Variants in ASTN2 observed in about 807,000 individuals in gnomAD.
The protein encoded by ASTN2 is astrotactin 2.
ASTN2 carries 54 observed loss-of-function variants against 139.8 expected under a neutral mutation model. That is an observed-to-expected ratio of 0.39 (90% CI 0.31 to 0.48). ASTN2 has a LOEUF of 0.48. Ranked by LOEUF, ASTN2 falls within the 20% of genes least tolerant of loss-of-function variation. ASTN2 has a pLI of 0.95. For missense variants in ASTN2, 1,565 were observed against 1,725.1 expected, an observed-to-expected ratio of 0.91 and a Z score of 1.64; for synonymous variants, 756 against 719.5, an observed-to-expected ratio of 1.05 and a Z score of -0.81.
intron 11 of ASTN2, among the ~76,000 whole-genome samples, chr9:116,857,955 G>C (rs1458472564): frequency 6.6e-6 from 1 of 152,214 alleles, no homozygotes; most frequent in South Asian, 2.1e-4. Context: ...GCTGGATCTT[G>C]GGATGGTCCC....
intron 7 of ASTN2, among the ~76,000 whole-genome samples, chr9:116,994,211 C>T (rs1836946808): frequency 6.6e-6 from 1 of 151,984 alleles, no homozygotes; most frequent in Non-Finnish European, 1.5e-5. Context: ...TGTGACTGCT[C>T]AATTCTGATG....
intron 1 of ASTN2, among the ~76,000 whole-genome samples, chr9:117,375,864 T>C (rs1830108847): frequency 6.6e-6 from 1 of 152,136 alleles, no homozygotes; most frequent in Non-Finnish European, 1.5e-5. Context: ...ATAGCCCCTT[T>C]CCTTGTCTTT....
At chr9:116,859,021 T>A (rs975917120) in intron 11 of ASTN2, among the ~76,000 whole-genome samples, 4 of 152,084 alleles carry the variant, frequency 2.6e-5, no homozygotes, top group Non-Finnish European at 5.9e-5. Context: ...CAGAGGTAAG[T>A]CTTTCTCTTT....
intron 11 of ASTN2, among the ~76,000 whole-genome samples, chr9:116,843,188 C>G (rs913729712): frequency 1.3e-5 from 2 of 152,202 alleles, no homozygotes; most frequent in Admixed American, 6.5e-5. Context: ...TGGACTCAAC[C>G]TGTGCCCATC....
intron 1 of ASTN2, among the ~76,000 whole-genome samples, chr9:117,332,696 A>C (rs1054724669): frequency 1.8e-4 from 28 of 152,216 alleles, no homozygotes; most frequent in Non-Finnish European, 4.4e-5. Context: ...ACATAGATGC[A>C]TACACAAATG....
chr9:116,751,859 G>T (rs1230892104), intron 13 of ASTN2, among the ~76,000 whole-genome samples: 3 of 152,068 alleles, frequency 2.0e-5, no homozygotes, highest in Non-Finnish European at 4.4e-5. Context: ...GGAAATAAAA[G>T]ATCAAAATAA....
At chr9:116,549,116 A>G (rs940566013) in intron 19 of ASTN2, among the ~76,000 whole-genome samples, 4 of 152,098 alleles carry the variant, frequency 2.6e-5, no homozygotes, top group Non-Finnish European at 5.9e-5. Context: ...AAACCACATA[A>G]TGAGCGGCTG....
At position 116,948,398 on chromosome 9, in the gene ASTN2, C is replaced by T. The variant is rs548279668; in HGVS notation, c.1889+26810G>A. ...ATTTATTTTGATGCTCAACTTGTAC[C>T]AAATTTGACCAGTGGCAGTGTCCCC... is the stretch of plus-strand genomic sequence containing the variant. On this transcript the variant is annotated intron_variant, in intron 10 of 22. Transcript: ENST00000313400. 1.3e-3 allele frequency among the ~76,000 whole-genome samples: 203 copies of T among 152,126 alleles called. 1 individual carries two copies. Among genetic ancestry groups the T allele is most frequent in the Non-Finnish European group, 2.4e-3 (165 of 68,014 alleles).
At chr9:117,203,102 A>T (rs1831783973) in intron 3 of ASTN2, among the ~76,000 whole-genome samples, 1 of 151,490 alleles carries the variant, frequency 6.6e-6, no homozygotes, top group African/African-American at 2.4e-5. Flanking sequence ...AAACTCTGAT[A>T]TCCTTTCTTC....
intron 10 of ASTN2, among the ~76,000 whole-genome samples, chr9:116,884,020 C>A (rs1484349060): frequency 1.3e-5 from 2 of 152,172 alleles, no homozygotes; most frequent in Non-Finnish European, 2.9e-5. Context: ...CAAAAGGCAG[C>A]AGAAGAGGGG....
At chr9:117,023,913 G>A (rs2132620266) in intron 6 of ASTN2, among the ~76,000 whole-genome samples, 1 of 152,176 alleles carries the variant, frequency 6.6e-6, no homozygotes, top group Middle Eastern at 3.4e-3. Flanking sequence ...CACTGTGTTT[G>A]GAACATGCAA....
At chr9:117,197,917 C>T (rs923451724) in intron 3 of ASTN2, among the ~76,000 whole-genome samples, 6 of 151,990 alleles carry the variant, frequency 3.9e-5, no homozygotes, top group Admixed American at 1.3e-4. Context: ...TTAATAATTG[C>T]TAATGAAAAA....
chr9:117,339,981 T>C (rs981822414), intron 1 of ASTN2, among the ~76,000 whole-genome samples: 3 of 151,422 alleles, frequency 2.0e-5, no homozygotes, highest in African/African-American at 4.9e-5. Context: ...CTGAGGCCTG[T>C]TGAGGAAAAG....
chr9:117,410,314 T>G (rs1240365699), intron 1 of ASTN2, among the ~76,000 whole-genome samples: 1 of 152,122 alleles, frequency 6.6e-6, no homozygotes, highest in Non-Finnish European at 1.5e-5. Flanking sequence ...GAGGACTGAA[T>G]GACATACAGG....
At chr9:116,616,454 G>A (rs1855860632) in intron 19 of ASTN2, among the ~76,000 whole-genome samples, 1 of 152,170 alleles carries the variant, frequency 6.6e-6, no homozygotes, top group Non-Finnish European at 1.5e-5. Flanking sequence ...TAGTCTATAA[G>A]AACAAGCACT....
At chr9:116,498,192 G>A (rs924299786) in intron 19 of ASTN2, among the ~76,000 whole-genome samples, 1 of 152,192 alleles carries the variant, frequency 6.6e-6, no homozygotes, top group African/African-American at 2.4e-5. Context: ...CTTGAACCCA[G>A]GTTGATCCAA....
chr9:117,241,246 G>T (rs1364575722), intron 2 of ASTN2, among the ~76,000 whole-genome samples: 3 of 152,164 alleles, frequency 2.0e-5, no homozygotes. Context: ...ATTAGTTTGG[G>T]TTCATTTTTA....
chr9:117,398,202 G>C (rs1830727005), intron 1 of ASTN2, among the ~76,000 whole-genome samples: 1 of 152,134 alleles, frequency 6.6e-6, no homozygotes, highest in Non-Finnish European at 1.5e-5. Context: ...TTCTAGGGGT[G>C]GTTTGTAAAG....
intron 2 of ASTN2, among the ~76,000 whole-genome samples, chr9:117,216,239 A>C (rs192172415): frequency 1.3e-5 from 2 of 152,316 alleles, no homozygotes; most frequent in East Asian, 3.9e-4. Context: ...TGCTGACTGT[A>C]TTTGATATTA....
Sources: allele counts gnomAD v4.1 joint callset (sites outside exome capture counted in the v4.1 genomes callset), GRCh38; gene constraint gnomAD v4.1.1; transcripts MANE v1.5; gene names NCBI Gene and HGNC (gene_info 2026-07-23, HGNC 2026-07-21).